The following RECQL5 variants were observed in gnomAD, a reference collection of about 807,000 sequenced individuals.
RECQL5 encodes the protein ATP-dependent DNA helicase Q5.
A neutral mutation model predicts 103.4 loss-of-function variants in RECQL5; 88 were observed. The observed-to-expected ratio is 0.85, with a 90% confidence interval of 0.72 to 1.02. RECQL5 has a LOEUF of 1.02. Ranked by LOEUF, RECQL5 falls within the 50% of genes least tolerant of loss-of-function variation. RECQL5 has a pLI of 0.00. For synonymous variants in RECQL5, 552 were observed against 507.9 expected, an observed-to-expected ratio of 1.09 and a Z score of -1.17; for missense variants, 1,232 against 1,284.3, an observed-to-expected ratio of 0.96 and a Z score of 0.62.
intron 8 of RECQL5, among the ~76,000 whole-genome samples, chr17:75,632,116 C>T (rs534298017): frequency 4.6e-5 from 7 of 152,332 alleles, no homozygotes; most frequent in Non-Finnish European, 1.0e-4. Flanking sequence ...GAGGTGATGT[C>T]TGAAGTGCAT....
At chr17:75,650,759 A>G (rs1348379853) in intron 8 of RECQL5, 7 of 1,597,032 alleles carry the variant, frequency 4.4e-6, no homozygotes, top group East Asian at 2.3e-5. Flanking sequence ...TTCAAAGCAC[A>G]TGACTCCCCG....
chr17:75,647,604 G>C (rs762808060), intron 8 of RECQL5: 322 of 1,539,746 alleles, frequency 2.1e-4, no homozygotes, highest in Non-Finnish European at 2.7e-4. Flanking sequence ...CAGGGGAGGC[G>C]AGCTGACCTG....
intron 13 of RECQL5, 79 bp downstream of exon 13, chr17:75,630,540 C>G: frequency 6.7e-7 from 1 of 1,490,636 alleles, no homozygotes; most frequent in Non-Finnish European, 9.3e-7. Context: ...CCCAAACAGG[C>G]CAGGGTTGAC....
At position 75,661,717 on chromosome 17, in the gene RECQL5, G is replaced by A. The variant is rs377521901; in HGVS notation, c.772-9C>T. ...ATGCCGCAGCCAGATAACTGAATGG[G>A]GAGATGCAGGAAGAAAATAAGCATA... On this transcript the variant is annotated splice_polypyrimidine_tract_variant and intron_variant, in intron 4 of 19. Transcript: ENST00000317905. The A allele has an allele frequency of 6.2e-7, 1 of 1,602,232 alleles. No individual in the cohort carries two copies. The highest frequency in any genetic ancestry group is 1.3e-5 in the African/African-American group (1 of 74,792).
chr17:75,644,019 T>C (rs746018313), intron 8 of RECQL5, among the ~76,000 whole-genome samples: 1 of 152,198 alleles, frequency 6.6e-6, no homozygotes, highest in Non-Finnish European at 1.5e-5. Flanking sequence ...AAAGCTACAA[T>C]AGGGATGGGC....
In RECQL5 at chr17:75,631,568, G is replaced by C. The variant is rs761869603; in HGVS notation, c.1330C>G (p.Leu444Val). 9 of 1,613,052 alleles carry C rather than the reference G, an allele frequency of 5.6e-6. No homozygotes were observed. The South Asian group carries it at 8.8e-5, about 16-fold the overall frequency. ...CQNPTAVRRRLEALERSSSWS... is the reference protein window; with the variant it reads ...CQNPTAVRRRVEALERSSSWS... ...CTGCTGCTGCGCTCCAAGGCCTCCA[G>C]CCGCCTCCGCACGGCCGTGGGGTTC... Residue 444 changes from leucine to valine, a missense_variant, in exon 9 of 20, where the codon CTG (leucine) becomes GTG (valine). By Grantham distance (32) the Leu-to-Val change is conservative. Transcript: ENST00000317905.
chr17:75,665,496 C>T (rs2148350252), intron 2 of RECQL5, among the ~76,000 whole-genome samples: 2 of 152,168 alleles, frequency 1.3e-5, no homozygotes, highest in Middle Eastern at 6.9e-3. Context: ...TTGAGACCAG[C>T]CTGGCCAACA....
intron 3 of RECQL5, among the ~76,000 whole-genome samples, chr17:75,664,407 C>G (rs755203767): frequency 6.6e-6 from 1 of 152,180 alleles, no homozygotes; most frequent in Non-Finnish European, 1.5e-5. Flanking sequence ...GTCTCAACAT[C>G]ACGAGTGCAC....
rs1212277099 is a variant in RECQL5 at position 75,662,512 on chromosome 17, G to A, written c.738C>T (p.Cys246=). ...CAGCCTCCTGTCCAAGAGCCTTAAG[G>A]CAGAAGTCCTTCAGGTTCCCATAGG... ...SDPYGNLKDF[C]LKALGQEADK... The change falls in exon 4 of 20, where the codon TGC becomes TGT. Residue 246 remains cysteine, a synonymous_variant. Coordinates refer to ENST00000317905, the MANE Select transcript of RECQL5 (RefSeq NM_004259.7). 1 of 1,614,104 alleles carries A rather than the reference G, an allele frequency of 6.2e-7. No homozygotes were observed.
In RECQL5 at chr17:75,636,411, G is replaced by T. The variant is rs2059322534; in HGVS notation, c.1230-4743C>A. 6.6e-6 allele frequency among the ~76,000 whole-genome samples: 1 copy of T among 152,140 alleles called. No homozygotes were observed. The highest frequency in any genetic ancestry group is 1.5e-5 in the Non-Finnish European group (1 of 68,010). On this transcript the variant is annotated intron_variant, in intron 8 of 19. Coordinates refer to ENST00000317905, the MANE Select transcript of RECQL5 (RefSeq NM_004259.7). The surrounding 1 kb of genome is among the most constrained non-coding windows in gnomAD (Gnocchi z 5.4). The stretch of plus-strand genomic sequence containing the variant: ...ATATGGGATCATCAGTAGCCCTCCT[G>T]GGCTTCCCTGCCTTCCTCCTGCCAA...
Position 75,629,414 on chromosome 17 carries a change from G to GTGGCT in RECQL5, c.2008_2009insAGCCA (p.Thr670LysfsTer5). 1 of 1,505,998 alleles carries GTGGCT rather than the reference G, an allele frequency of 6.6e-7. No individual in the cohort carries two copies. Among genetic ancestry groups the GTGGCT allele is most frequent in the South Asian group, 1.4e-5 (1 of 72,558 alleles). 93.3% of individuals were successfully genotyped at this position (1,505,998 alleles called of 1,614,324 possible). On this transcript the variant is annotated frameshift_variant, in exon 16 of 20. Transcript: ENST00000317905. LOFTEE classifies it high-confidence loss of function. The stretch of plus-strand genomic sequence containing the variant: ...GATCCGAGTTGTCTCCATCAGTTCC[G>GTGGCT]TGGCCGTCTGGAACGGGCAGGAGCC...
chr17:75,657,420 C>G (rs1399495009), intron 7 of RECQL5, among the ~76,000 whole-genome samples: 2 of 151,998 alleles, frequency 1.3e-5, no homozygotes, highest in Non-Finnish European at 2.9e-5. Context: ...CAAGGCAGTA[C>G]TGATCTTGAC....
chr17:75,662,589 A>G lies in RECQL5; in HGVS notation c.661T>C (p.Phe221Leu). The part of the protein sequence containing the change: ...KPVAIFKTPC[F>L]RANLFYDVQF... ...ACATCATAGAAGAGGTTGGCCCGGA[A>G]GCAGGGAGTCTTGAAGATGGCAACT... Residue 221 changes from phenylalanine to leucine, a missense_variant, in exon 4 of 20, where the codon TTC becomes CTC. Transcript: ENST00000317905. 1 of 1,614,176 alleles carries G rather than the reference A, an allele frequency of 6.2e-7. No individual in the cohort carries two copies. The highest frequency in any genetic ancestry group is 8.5e-7 in the Non-Finnish European group (1 of 1,180,038).
chr17:75,650,741 T>TG (rs1568277187), intron 8 of RECQL5: 1 of 1,608,856 alleles, frequency 6.2e-7, no homozygotes, highest in Non-Finnish European at 8.5e-7. Context: ...GTAAAACAGA[T>TG]GCGTGAGTTC....
Position 75,630,853 on chromosome 17 carries a change from G to A in RECQL5, c.1586-16C>T, listed in dbSNP as rs752012243. The stretch of plus-strand genomic sequence containing the variant: ...CAGTTCTCATCTGTGGGGGGGGGGG[G>A]TGGTCCTTGGTCCTTTCGCTCCACC... On this transcript the variant is annotated splice_polypyrimidine_tract_variant and intron_variant, in intron 11 of 19. Transcript: ENST00000317905. 6.4e-6 allele frequency: 9 copies of A among 1,405,038 alleles called. No homozygotes were observed. The highest frequency in any genetic ancestry group is 4.0e-5 in the South Asian group (3 of 74,502). The allele number at this position is 1,405,038 out of a possible 1,614,324, so 87.0% of individuals were successfully genotyped here. A position where few individuals can be genotyped will look rare whatever the true frequency, so the allele number is the denominator to read the frequency against.
Position 75,661,709 on chromosome 17 carries a change from C to A in RECQL5, c.772-1G>T, listed in dbSNP as rs1568284860. 20 of 1,611,696 alleles carry A rather than the reference C, an allele frequency of 1.2e-5. No individual in the cohort carries two copies. The highest frequency in any genetic ancestry group is 1.7e-5 in the Non-Finnish European group (20 of 1,177,994). The stretch of plus-strand genomic sequence containing the variant: ...AGTACACAATGCCGCAGCCAGATAA[C>A]TGAATGGGGAGATGCAGGAAGAAAA... On this transcript the variant is annotated splice_acceptor_variant, in intron 4 of 19. Coordinates refer to ENST00000317905, the MANE Select transcript of RECQL5 (RefSeq NM_004259.7). LOFTEE classifies it high-confidence loss of function.
chr17:75,638,504 A>C (rs2059370274), intron 8 of RECQL5: 1 of 152,904 alleles, frequency 6.5e-6, no homozygotes, highest in Non-Finnish European at 1.5e-5. Context: ...AACCAACAAC[A>C]AAAACATAGC....
chr17:75,666,440 C>T lies in RECQL5; in HGVS notation c.118G>A (p.Ala40Thr), dbSNP rs1158550121. ...TTGGTAATGTTACCTTTTACTACAG[C>T]CATGGTCGCACTCTCCTGTAAAGGC... ...KTPLQESATM[A>T]VVKGNKDVFV... Residue 40 changes from alanine (A) to threonine (T), a missense_variant, in exon 2 of 20, where the codon GCT becomes ACT. Physicochemically the swap from Ala to Thr is moderately conservative, Grantham distance 58. Coordinates refer to ENST00000317905, the MANE Select transcript of RECQL5 (RefSeq NM_004259.7). The T allele has an allele frequency of 6.2e-7, 1 of 1,613,972 alleles. No homozygotes were observed. Among genetic ancestry groups the T allele is most frequent in the Admixed American group, 1.7e-5 (1 of 59,996 alleles).
In RECQL5 at chr17:75,630,193, C is replaced by T; in HGVS notation, c.1803G>A (p.Val601=). ...AKVANLYKAS[V]LKKVADIHRA... The stretch of plus-strand genomic sequence containing the variant: ...CCTGCACCAGGCCCACCTTCTTCAG[C>T]ACGCTGGCCTTGTAGAGGTTGGCCA... The change falls in exon 14 of 20, where the codon GTG becomes GTA. Residue 601 remains valine (V), a synonymous_variant. Transcript: ENST00000317905. 1 of 1,551,284 alleles carries T rather than the reference C, an allele frequency of 6.4e-7. No individual in the cohort carries two copies. The highest frequency in any genetic ancestry group is 1.4e-5 in the African/African-American group (1 of 73,328).
Sources: gnomAD v4.1 joint callset for allele counts (sites outside exome capture counted in the v4.1 genomes callset) on GRCh38, gnomAD v4.1.1 for gene constraint, Gnocchi (gnomAD v3.1) non-coding constraint, MANE v1.5 for transcripts, NCBI Gene and HGNC (gene_info 2026-07-23, HGNC 2026-07-21) for gene names.